The following RIMS2 variants were observed in gnomAD, a reference collection of about 807,000 sequenced individuals.
RIMS2 encodes the protein regulating synaptic membrane exocytosis 2.
Under a neutral mutation model 174.4 loss-of-function variants are expected in RIMS2, and 59 were observed. The ratio of observed to expected loss-of-function variants is 0.34; its 90% CI spans 0.27 to 0.42. The LOEUF (loss-of-function observed/expected upper bound fraction) is 0.42, where lower values mean the gene tolerates loss of function less well. RIMS2 is among the 10% of genes least tolerant of loss of function. The probability of loss-of-function intolerance (pLI) is 1.00; values close to 1 mark genes in which losing one functional copy is unlikely to be tolerated. For synonymous variants in RIMS2, 606 were observed against 572.5 expected, an observed-to-expected ratio of 1.06 and a Z score of -0.84; for missense variants, 1,620 against 1,666.3, an observed-to-expected ratio of 0.97 and a Z score of 0.48.
At chr8:104,246,445 G>C (rs1311318230) in intron 20 of RIMS2, among the ~76,000 whole-genome samples, 1 of 151,948 alleles carries the variant, frequency 6.6e-6, no homozygotes, top group Non-Finnish European at 1.5e-5. Flanking sequence ...AGATACAGCA[G>C]TGAACAAAGC....
At chr8:103,936,807 T>C (rs993220432) in intron 13 of RIMS2, 85 bp downstream of exon 15, 2 of 1,109,986 alleles carry the variant, frequency 1.8e-6, no homozygotes, top group Non-Finnish European at 1.3e-6. Flanking sequence ...ATTTCATTTG[T>C]AGAATAGGCC....
At chr8:104,073,957 A>G (rs2097242880) in intron 19 of RIMS2, among the ~76,000 whole-genome samples, 1 of 152,244 alleles carries the variant, frequency 6.6e-6, no homozygotes, top group Non-Finnish European at 1.5e-5. Context: ...AGCAGTATTA[A>G]TAGAAAATAT....
chr8:104,126,782 A>G (rs73299424), intron 19 of RIMS2, among the ~76,000 whole-genome samples: 4,454 of 152,312 alleles, frequency 0.029, 241 homozygotes, highest in African/African-American at 0.1. Context: ...TAGCACATTG[A>G]TGGCATTAGT....
intron 19 of RIMS2, among the ~76,000 whole-genome samples, chr8:104,141,205 C>T (rs2098566280): frequency 6.6e-6 from 1 of 152,220 alleles, no homozygotes; most frequent in African/African-American, 2.4e-5. Context: ...AACAGAGAAA[C>T]ATATGATCTA....
intron 1 of RIMS2, among the ~76,000 whole-genome samples, chr8:103,621,340 C>G (rs1202954101): frequency 6.6e-6 from 1 of 152,190 alleles, no homozygotes; most frequent in African/African-American, 2.4e-5. Context: ...CGGGACCTCA[C>G]ATTCTGTATT....
intron 1 of RIMS2, among the ~76,000 whole-genome samples, chr8:103,590,064 T>C (rs1231240021): frequency 1.3e-5 from 2 of 151,370 alleles, no homozygotes; most frequent in East Asian, 1.9e-4. Flanking sequence ...TTGTACAGTT[T>C]GAAATAACTT....
At chr8:103,510,709 T>A (rs1431212737) in intron 1 of RIMS2, among the ~76,000 whole-genome samples, 1 of 152,182 alleles carries the variant, frequency 6.6e-6, no homozygotes, top group Non-Finnish European at 1.5e-5. Context: ...CATCTCTCTC[T>A]GCCCACGACT....
At chr8:103,790,992 ACT>A (rs1217748673) in intron 3 of RIMS2, among the ~76,000 whole-genome samples, 3 of 152,172 alleles carry the variant, frequency 2.0e-5, no homozygotes, top group Non-Finnish European at 1.5e-5. Flanking sequence ...GTTGGAAAAC[ACT>A]CTGCAGGATA....
At chr8:104,180,361 GTT>G (rs796317618) in intron 19 of RIMS2, among the ~76,000 whole-genome samples, 4 of 139,876 alleles carry the variant, frequency 2.9e-5, no homozygotes, top group African/African-American at 5.2e-5. Flanking sequence ...TCTTAGTGAG[GTT>G]TTTTTTTTTT....
intron 19 of RIMS2, among the ~76,000 whole-genome samples, chr8:104,049,782 G>T (rs1482319901): frequency 6.6e-6 from 1 of 152,138 alleles, no homozygotes; most frequent in Non-Finnish European, 1.5e-5. Context: ...AAAAGACATA[G>T]TCTACCACTT....
intron 19 of RIMS2, among the ~76,000 whole-genome samples, chr8:104,142,329 A>C (rs2098590629): frequency 6.6e-6 from 1 of 151,880 alleles, no homozygotes; most frequent in Non-Finnish European, 1.5e-5. Flanking sequence ...GGGTTTTGCC[A>C]TGTTGGCCAG....
chr8:103,814,858 A>AT (rs1377885265), intron 3 of RIMS2, among the ~76,000 whole-genome samples: 1 of 152,198 alleles, frequency 6.6e-6, no homozygotes, highest in Non-Finnish European at 1.5e-5. Context: ...CAAAATATCT[A>AT]TATCTATACT....
At position 103,944,888 on chromosome 8, in the gene RIMS2, A is replaced by G. The variant is rs115217161; in HGVS notation, c.2701+1962A>G. ...AAAGAAACAAGAACTAGGAAATAACATTTATGAATAGATAGAAAGCTAAAA... is the reference window on the plus strand; with the variant it reads ...AAAGAAACAAGAACTAGGAAATAACGTTTATGAATAGATAGAAAGCTAAAA... On this transcript the variant is annotated intron_variant, in intron 14 of 23. Coordinates refer to ENST00000504942, the Ensembl canonical transcript of RIMS2. Among the ~76,000 whole-genome samples, 497 of 152,194 alleles carry G rather than the reference A, an allele frequency of 3.3e-3. 1 individual carries two copies. The highest frequency in any genetic ancestry group is 0.011 in the African/African-American group (471 of 41,570).
chr8:104,122,878 A>T (rs908041579), intron 19 of RIMS2, among the ~76,000 whole-genome samples: 1 of 152,186 alleles, frequency 6.6e-6, no homozygotes, highest in Non-Finnish European at 1.5e-5. Flanking sequence ...TGAATAGAGT[A>T]CTTGACAGTC....
At chr8:103,734,265 C>T (rs1024188972) in intron 2 of RIMS2, among the ~76,000 whole-genome samples, 3 of 150,830 alleles carry the variant, frequency 2.0e-5, no homozygotes, top group African/African-American at 7.3e-5. Flanking sequence ...CCCACCTCGG[C>T]CTCCCAAAGT....
intron 19 of RIMS2, among the ~76,000 whole-genome samples, chr8:104,058,459 C>G (rs2096914746): frequency 6.6e-6 from 1 of 150,894 alleles, no homozygotes; most frequent in Non-Finnish European, 1.5e-5. Flanking sequence ...ATTGTAGATT[C>G]TGGATATTAG....
intron 19 of RIMS2, among the ~76,000 whole-genome samples, chr8:104,220,466 A>G (rs933723934): frequency 1.3e-5 from 2 of 151,858 alleles, no homozygotes; most frequent in African/African-American, 4.8e-5. Flanking sequence ...CCGTTCTCAG[A>G]CTCCCCATCC....
intron 1 of RIMS2, among the ~76,000 whole-genome samples, chr8:103,544,552 C>T (rs1844085680): frequency 6.6e-6 from 1 of 152,222 alleles, no homozygotes; most frequent in South Asian, 2.1e-4. Context: ...CCTCCCCCAC[C>T]TCTTACAGCC....
At position 104,093,651 on chromosome 8, in the gene RIMS2, G is replaced by T; in HGVS notation, c.3334+79036G>T. 4.4e-6 allele frequency: 7 copies of T among 1,584,412 alleles called. No homozygotes were observed. The highest frequency in any genetic ancestry group is 6.0e-6 in the Non-Finnish European group (7 of 1,172,022). ...AGGAAACAAGAAAATCAGGTAAGGG[G>T]ATTTCAACAACAAACTTCTCTAAAT... On this transcript the variant is annotated intron_variant, in intron 19 of 23. Coordinates refer to ENST00000504942, the Ensembl canonical transcript of RIMS2.
Sources: gnomAD v4.1 joint callset for allele counts (sites outside exome capture counted in the v4.1 genomes callset) on GRCh38, gnomAD v4.1.1 for gene constraint, MANE v1.5 for transcripts, NCBI Gene and HGNC (gene_info 2026-07-23, HGNC 2026-07-21) for gene names.